Variants in GPC5 observed in about 807,000 individuals in gnomAD.
GPC5 encodes the protein glypican-5.
In GPC5, 47 loss-of-function variants were observed where a neutral mutation model predicts 53.9. That is an observed-to-expected ratio of 0.87 (90% CI 0.69 to 1.11). The LOEUF is 1.11. GPC5 is among the 50% of genes most tolerant of loss of function. GPC5 has a pLI of 0.00. For missense variants in GPC5, 748 were observed against 713.1 expected, an observed-to-expected ratio of 1.05 and a Z score of -0.56; for synonymous variants, 286 against 263.3, an observed-to-expected ratio of 1.09 and a Z score of -0.84.
chr13:91,472,838 A>G (rs897669208), intron 2 of GPC5, among the ~76,000 whole-genome samples: 2 of 152,180 alleles, frequency 1.3e-5, no homozygotes, highest in Admixed American at 6.5e-5. Context: ...TCACTGTTGA[A>G]TTCAACCGAG....
intron 7 of GPC5, among the ~76,000 whole-genome samples, chr13:92,521,752 G>A (rs1248259255): frequency 2.6e-5 from 4 of 152,158 alleles, no homozygotes; most frequent in Non-Finnish European, 5.9e-5. Flanking sequence ...AAAAGCAATG[G>A]CAACAGAAGC....
intron 6 of GPC5, among the ~76,000 whole-genome samples, chr13:91,988,601 A>C (rs979927126): frequency 2.6e-5 from 4 of 152,234 alleles, no homozygotes; most frequent in African/African-American, 9.6e-5. Context: ...CATGATGCTA[A>C]GAAAGACAAA....
intron 2 of GPC5, among the ~76,000 whole-genome samples, chr13:91,530,879 T>G (rs1048311761): frequency 3.9e-5 from 6 of 152,220 alleles, no homozygotes. Flanking sequence ...ATTCTGTTAA[T>G]TTATTATTTT....
At chr13:91,856,985 G>T (rs1324309602) in intron 5 of GPC5, among the ~76,000 whole-genome samples, 2 of 149,822 alleles carry the variant, frequency 1.3e-5, no homozygotes, top group African/African-American at 4.9e-5. Flanking sequence ...CTTATGAAGT[G>T]ATTCTATCAT....
At chr13:92,793,707 C>T (rs1026949307) in intron 7 of GPC5, among the ~76,000 whole-genome samples, 1 of 151,992 alleles carries the variant, frequency 6.6e-6, no homozygotes, top group Non-Finnish European at 1.5e-5. Context: ...GGGATATCAC[C>T]ACCGATCCCA....
intron 2 of GPC5, among the ~76,000 whole-genome samples, chr13:91,524,114 G>A (rs1292486232): frequency 2.6e-5 from 4 of 151,950 alleles, no homozygotes; most frequent in African/African-American, 9.7e-5. Flanking sequence ...TTTTTCAAAG[G>A]AATAAATCAT....
intron 7 of GPC5, among the ~76,000 whole-genome samples, chr13:92,175,412 T>C (rs1293880649): frequency 2.0e-5 from 3 of 152,240 alleles, no homozygotes; most frequent in Non-Finnish European, 4.4e-5. Flanking sequence ...TTCTAGATTA[T>C]GTCAAAATTT....
chr13:92,249,728 G>A (rs9523552), intron 7 of GPC5, among the ~76,000 whole-genome samples: 84,222 of 150,440 alleles, frequency 0.56, 23,683 homozygotes, highest in South Asian at 0.65. Context: ...AATGCAGAGC[G>A]GACCAGGCAA....
chr13:91,399,086 C>T lies in GPC5; in HGVS notation c.40C>T (p.Leu14Phe), dbSNP rs183780526. 8 of 1,590,720 alleles carry T rather than the reference C, an allele frequency of 5.0e-6. No homozygotes were observed. The East Asian group carries it at 1.2e-4, about 23-fold the overall frequency. The change falls in exon 1 of 8, where the codon CTC becomes TTC. Residue 14 changes from leucine to phenylalanine, a missense_variant. Transcript: ENST00000377067. ...QTWPVGFRCL[L>F]LLALVGSARS... Reference sequence around the variant, plus strand: ...CTGGCCCGTGGGCTTTCGCTGCCTCCTCCTTCTGGCCCTGGTTGGGTCCGC... The same window carrying T: ...CTGGCCCGTGGGCTTTCGCTGCCTCTTCCTTCTGGCCCTGGTTGGGTCCGC...
chr13:92,779,232 T>C (rs1488106332), intron 7 of GPC5, among the ~76,000 whole-genome samples: 2 of 152,054 alleles, frequency 1.3e-5, no homozygotes, highest in Non-Finnish European at 2.9e-5. Context: ...ATGAGACTTA[T>C]TCACTATCAC....
intron 7 of GPC5, among the ~76,000 whole-genome samples, chr13:92,694,298 G>C (rs1887497408): frequency 6.6e-6 from 1 of 152,188 alleles, no homozygotes; most frequent in Non-Finnish European, 1.5e-5. Flanking sequence ...TAGTGGAGCT[G>C]TGAGAAAGGG....
intron 7 of GPC5, among the ~76,000 whole-genome samples, chr13:92,751,084 T>C (rs539712003): frequency 1.3e-5 from 2 of 152,068 alleles, no homozygotes; most frequent in Admixed American, 1.3e-4. Context: ...GAAAAATTGA[T>C]ATATATAAAC....
intron 7 of GPC5, among the ~76,000 whole-genome samples, chr13:92,146,716 G>C (rs553257536): frequency 6.6e-6 from 1 of 152,068 alleles, no homozygotes; most frequent in South Asian, 2.1e-4. Flanking sequence ...TTATGCCTTT[G>C]CATCCTCATA....
At chr13:91,840,746 A>AT (rs77227820) in intron 5 of GPC5, among the ~76,000 whole-genome samples, 25 of 148,884 alleles carry the variant, frequency 1.7e-4, no homozygotes, top group Admixed American at 4.7e-4. Context: ...TCCTATTTTT[A>AT]TTTTTTTTTT....
At chr13:92,396,990 T>G (rs1285477553) in intron 7 of GPC5, among the ~76,000 whole-genome samples, 3 of 152,206 alleles carry the variant, frequency 2.0e-5, no homozygotes. Context: ...TGATACTGTT[T>G]CCCTCCATGT....
chr13:92,432,688 T>G (rs1361387080), intron 7 of GPC5, among the ~76,000 whole-genome samples: 1 of 152,210 alleles, frequency 6.6e-6, no homozygotes, highest in Admixed American at 6.5e-5. Flanking sequence ...AACTAGTTTT[T>G]TTTTAGCTTC....
At position 92,785,252 on chromosome 13, in the gene GPC5, G is replaced by A. The variant is rs899419229; in HGVS notation, c.1562-81030G>A. Among the ~76,000 whole-genome samples the A allele has an allele frequency of 4.6e-5, 7 of 152,198 alleles. No homozygotes were observed. The South Asian group carries it at 8.3e-4, about 18-fold the overall frequency. Reference sequence around the variant, plus strand: ...GATCAGGCCCCTTCACTCCAGCCTGGGCAACAGAACAAGACTCTATCTCAA... The same window carrying A: ...GATCAGGCCCCTTCACTCCAGCCTGAGCAACAGAACAAGACTCTATCTCAA... On this transcript the variant is annotated intron_variant, in intron 7 of 7. Coordinates refer to ENST00000377067, the MANE Select transcript of GPC5 (RefSeq NM_004466.6).
intron 6 of GPC5, among the ~76,000 whole-genome samples, chr13:92,001,961 T>C (rs1008237206): frequency 6.6e-6 from 1 of 152,198 alleles, no homozygotes; most frequent in Non-Finnish European, 1.5e-5. Context: ...GTGAAAGACA[T>C]TAAATAACAT....
chr13:92,410,003 T>C (rs2182841), intron 7 of GPC5, among the ~76,000 whole-genome samples: 10,774 of 152,262 alleles, frequency 0.071, 411 homozygotes, highest in Admixed American at 0.096. Flanking sequence ...CCTGTGCAAG[T>C]ATGAAGAGTG....
Sources: allele counts gnomAD v4.1 joint callset (sites outside exome capture counted in the v4.1 genomes callset), GRCh38; gene constraint gnomAD v4.1.1; transcripts MANE v1.5; gene names NCBI Gene and HGNC (gene_info 2026-07-23, HGNC 2026-07-21).